TMCO5A: variants seen among roughly 807,000 people sequenced by gnomAD.
The protein encoded by TMCO5A is transmembrane and coiled-coil domains 5A, also known as transmembrane and coiled-coil domain-containing protein 5A.
In TMCO5A, 34 loss-of-function variants were observed where a neutral mutation model predicts 42.3. That is an observed-to-expected ratio of 0.80 (90% CI 0.61 to 1.07). The LOEUF is 1.07. Among genes scored for constraint, TMCO5A ranks in the 50% least tolerant of loss-of-function variants. TMCO5A has a pLI of 0.00. For synonymous variants in TMCO5A, 131 were observed against 115.6 expected (o/e 1.13, Z -0.86); for missense variants, 357 against 327.9 (o/e 1.09, Z -0.69).
chr15:38,027,657 T>C, the TMCO5A span, among the ~76,000 whole-genome samples: 1 of 152,248 alleles, frequency 6.6e-6, no homozygotes, highest in African/African-American at 2.4e-5. Context: ...CAGAATGATA[T>C]GGTTTGGCTC....
the TMCO5A span, among the ~76,000 whole-genome samples, chr15:38,025,493 T>G: frequency 6.6e-6 from 1 of 152,172 alleles, no homozygotes; most frequent in African/African-American, 2.4e-5. Flanking sequence ...TATCTAGAGT[T>G]CTAAATTTTA....
chr15:38,003,154 C>T, the TMCO5A span, among the ~76,000 whole-genome samples: 1 of 152,008 alleles, frequency 6.6e-6, no homozygotes, highest in African/African-American at 2.4e-5. Flanking sequence ...TTGAGTGAGA[C>T]CTGAGAGAAT....
chr15:38,008,727 G>A, the TMCO5A span, among the ~76,000 whole-genome samples: 1 of 152,160 alleles, frequency 6.6e-6, no homozygotes. Context: ...ACCTCCAAAT[G>A]AGGTTGCCAT....
At chr15:37,948,005 C>A (rs1340202065) in intron 11 of TMCO5A, among the ~76,000 whole-genome samples, 1 of 151,956 alleles carries the variant, frequency 6.6e-6, no homozygotes, top group South Asian at 2.1e-4. Flanking sequence ...TGCCTTTTCC[C>A]TTTAACAATT....
At chr15:38,025,965 A>G in the TMCO5A span, among the ~76,000 whole-genome samples, 3 of 152,158 alleles carry the variant, frequency 2.0e-5, no homozygotes, top group Non-Finnish European at 4.4e-5. Context: ...ACCTCCCACC[A>G]TGATTCTGAG....
intron 2 of TMCO5A, chr15:37,936,109 GA>G: frequency 4.3e-6 from 2 of 460,560 alleles, no homozygotes; most frequent in Non-Finnish European, 3.6e-6. Flanking sequence ...GAAAGCCTGG[GA>G]AAGACCCTTG....
the TMCO5A span, among the ~76,000 whole-genome samples, chr15:38,016,120 T>G: frequency 6.6e-6 from 1 of 151,916 alleles, no homozygotes; most frequent in African/African-American, 2.4e-5. Context: ...ACCCCTATGG[T>G]GGGGGGTGTT....
intron 9 of TMCO5A, chr15:37,942,963 A>C (rs79930370): frequency 0.016 from 2,607 of 161,620 alleles, 57 homozygotes; most frequent in African/African-American, 0.053. Context: ...GCCTCTCTCT[A>C]TATATATATA....
chr15:37,941,026 A>G (rs903559784), intron 6 of TMCO5A, 123 bp from the exon 7 acceptor site: 1 of 793,130 alleles, frequency 1.3e-6, no homozygotes, highest in Admixed American at 2.3e-5. Context: ...TTCCTCTATC[A>G]GGAGACGTGT....
chr15:38,028,572 T>G, the TMCO5A span, among the ~76,000 whole-genome samples: 3 of 152,292 alleles, frequency 2.0e-5, no homozygotes, highest in East Asian at 5.8e-4. Context: ...GATTAATTTC[T>G]CCATGAAATG....
chr15:38,032,794 T>C, the TMCO5A span, among the ~76,000 whole-genome samples: 1 of 152,208 alleles, frequency 6.6e-6, no homozygotes, highest in Non-Finnish European at 1.5e-5. Flanking sequence ...TAATGGACTA[T>C]TTTGCCACAC....
At chr15:37,946,855 T>C (rs1469373914) in intron 10 of TMCO5A, among the ~76,000 whole-genome samples, 1 of 152,120 alleles carries the variant, frequency 6.6e-6, no homozygotes, top group Non-Finnish European at 1.5e-5. Context: ...TCTTTCTCTT[T>C]ACTGATTGCC....
chr15:38,033,361 T>G, the TMCO5A span, among the ~76,000 whole-genome samples: 1 of 152,236 alleles, frequency 6.6e-6, no homozygotes, highest in Non-Finnish European at 1.5e-5. Flanking sequence ...TAATTTTGTC[T>G]AAGTGCTATT....
At chr15:38,032,975 T>C in the TMCO5A span, among the ~76,000 whole-genome samples, 1 of 148,308 alleles carries the variant, frequency 6.7e-6, no homozygotes, top group African/African-American at 2.5e-5. Flanking sequence ...TCGCCCAGGC[T>C]GGAGTGCAGT....
downstream of TMCO5A, among the ~76,000 whole-genome samples, chr15:37,956,088 T>A (rs1890282863): frequency 1.3e-5 from 2 of 152,068 alleles, no homozygotes; most frequent in African/African-American, 4.8e-5. Context: ...AGGGACACAT[T>A]TAAAGCAATG....
chr15:37,975,386 C>CT, the TMCO5A span, among the ~76,000 whole-genome samples: 3 of 151,522 alleles, frequency 2.0e-5, no homozygotes, highest in Non-Finnish European at 2.9e-5. Context: ...CTTTGTAGGT[C>CT]TTTAAGAAAT....
intron 6 of TMCO5A, among the ~76,000 whole-genome samples, chr15:37,939,231 T>C (rs556410371): frequency 1.4e-4 from 20 of 145,744 alleles, no homozygotes; most frequent in African/African-American, 5.4e-4. Context: ...TTTGGATACA[T>C]AGAAAATAGA....
At chr15:37,954,731 C>T (rs1238177995), downstream of TMCO5A, among the ~76,000 whole-genome samples, 4 of 151,968 alleles carry the variant, frequency 2.6e-5, no homozygotes, top group Admixed American at 1.3e-4. Context: ...AAAATAATAA[C>T]TATAACAACT....
the TMCO5A span, among the ~76,000 whole-genome samples, chr15:37,980,434 C>T: frequency 5.3e-5 from 8 of 152,226 alleles, 1 homozygote; most frequent in African/African-American, 1.9e-4. Context: ...GAGCCTCTCC[C>T]GGCTCCCTGC....
Sources: gnomAD v4.1 joint callset for allele counts (sites outside exome capture counted in the v4.1 genomes callset) on GRCh38, gnomAD v4.1.1 for gene constraint, MANE v1.5 for transcripts, NCBI Gene and HGNC (gene_info 2026-07-23, HGNC 2026-07-21) for gene names.